DPP6: variants seen among roughly 807,000 people sequenced by gnomAD.
DPP6 encodes the protein dipeptidyl peptidase like 6, also known as A-type potassium channel modulatory protein DPP6.
Under a neutral mutation model 122.6 loss-of-function variants are expected in DPP6, and 69 were observed. The observed-to-expected ratio is 0.56, with a 90% CI of 0.46 to 0.69. The LOEUF is 0.69. Ranked by LOEUF, DPP6 falls within the 30% of genes least tolerant of loss-of-function variation. The pLI is 0.00. For missense variants in DPP6, 928 were observed against 1,116.9 expected (o/e 0.83, Z 2.41); for synonymous variants, 418 against 433.1 (o/e 0.97, Z 0.43).
chr7:154,277,465 A>C (rs1359835416), intron 1 of DPP6, among the ~76,000 whole-genome samples: 1 of 152,204 alleles, frequency 6.6e-6, no homozygotes, highest in Non-Finnish European at 1.5e-5. Context: ...ATTAAAAATA[A>C]ATTTTAAAAG....
At chr7:153,875,308 A>T in the DPP6 span, among the ~76,000 whole-genome samples, 2 of 152,168 alleles carry the variant, frequency 1.3e-5, no homozygotes, top group East Asian at 3.8e-4. Flanking sequence ...TTTTTTGAAA[A>T]ACAAAAACCT....
At chr7:153,877,731 C>T in the DPP6 span, among the ~76,000 whole-genome samples, 1 of 152,022 alleles carries the variant, frequency 6.6e-6, no homozygotes, top group Non-Finnish European at 1.5e-5. Context: ...AGTTGTTTTT[C>T]AAGCAAATAA....
intron 5 of DPP6, among the ~76,000 whole-genome samples, chr7:154,575,240 TTGTGTGGTGTGTGTGG>T (rs1171928431): frequency 4.1e-5 from 4 of 97,398 alleles, no homozygotes; most frequent in East Asian, 3.6e-4. Context: ...TGTGTGGTGT[TTGTGTGGTGTGTGTGG>T]TGTGTATGTG....
At chr7:154,239,625 G>T (rs1243350059) in intron 1 of DPP6, among the ~76,000 whole-genome samples, 1 of 152,034 alleles carries the variant, frequency 6.6e-6, no homozygotes, top group Admixed American at 6.6e-5. Context: ...TCATTGGTAA[G>T]GCTTCCTGTC....
At chr7:154,487,396 G>A (rs1823889865) in intron 3 of DPP6, among the ~76,000 whole-genome samples, 1 of 152,146 alleles carries the variant, frequency 6.6e-6, no homozygotes, top group Non-Finnish European at 1.5e-5. Context: ...CAGATGACAG[G>A]ATACGCCGTG....
At chr7:153,774,700 C>T in the DPP6 span, among the ~76,000 whole-genome samples, 2 of 152,156 alleles carry the variant, frequency 1.3e-5, no homozygotes, top group Admixed American at 6.5e-5. Flanking sequence ...TATGATGGCT[C>T]ATGCCTATAA....
At position 154,403,316 on chromosome 7, in the gene DPP6, G is replaced by A. The variant is rs1405429347; in HGVS notation, c.244-42898G>A. ...TAGAGTGCGGGGGAATCAGGACACCGCCCACCGCTGTCCAAATGCCAAGTG... is the reference window on the plus strand; with the variant it reads ...TAGAGTGCGGGGGAATCAGGACACCACCCACCGCTGTCCAAATGCCAAGTG... On this transcript the variant is annotated intron_variant, in intron 1 of 25. Coordinates refer to ENST00000377770, the MANE Select transcript of DPP6 (RefSeq NM_130797.4). The surrounding 1 kb of genome is among the most constrained non-coding windows in gnomAD (Gnocchi z 4.1). Among the ~76,000 whole-genome samples, 1 of 152,204 alleles carries A rather than the reference G, an allele frequency of 6.6e-6. No individual in the cohort carries two copies. The highest frequency in any genetic ancestry group is 1.5e-5 in the Non-Finnish European group (1 of 68,036).
At chr7:154,297,723 C>T (rs1805635577) in intron 1 of DPP6, among the ~76,000 whole-genome samples, 1 of 152,190 alleles carries the variant, frequency 6.6e-6, no homozygotes, top group Non-Finnish European at 1.5e-5. Context: ...AGCATGGCTC[C>T]TCTTCTCACA....
intron 1 of DPP6, among the ~76,000 whole-genome samples, chr7:154,117,489 C>T (rs1344684769): frequency 6.6e-6 from 1 of 152,182 alleles, no homozygotes; most frequent in African/African-American, 2.4e-5. Context: ...TCTTACCTCA[C>T]TGTAGGTTTC....
At chr7:154,842,363 A>T (rs1005429231) in intron 16 of DPP6, among the ~76,000 whole-genome samples, 23 of 152,090 alleles carry the variant, frequency 1.5e-4, no homozygotes, top group Non-Finnish European at 2.9e-4. Flanking sequence ...GTCTTTATGA[A>T]TTTTTTTTAT....
At chr7:153,916,033 C>G (rs1369187052) in intron 1 of DPP6, among the ~76,000 whole-genome samples, 1 of 151,924 alleles carries the variant, frequency 6.6e-6, no homozygotes, top group Non-Finnish European at 1.5e-5. Context: ...GTGGCGCGAT[C>G]TCTGCTCACT....
At chr7:154,623,848 C>T (rs529485960) in intron 5 of DPP6, among the ~76,000 whole-genome samples, 6 of 152,196 alleles carry the variant, frequency 3.9e-5, no homozygotes, top group Non-Finnish European at 7.3e-5. Context: ...TAAACTTACC[C>T]CAAAGTATTT....
At chr7:154,273,207 CTT>C (rs1333813484) in intron 1 of DPP6, among the ~76,000 whole-genome samples, 5 of 152,176 alleles carry the variant, frequency 3.3e-5, no homozygotes, top group Admixed American at 6.5e-5. Flanking sequence ...AGAGCTGCCT[CTT>C]TGTCTCAGCA....
intron 9 of DPP6, among the ~76,000 whole-genome samples, chr7:154,771,349 G>T (rs1055745300): frequency 6.6e-6 from 1 of 152,240 alleles, no homozygotes; most frequent in African/African-American, 2.4e-5. Flanking sequence ...CGGCTGATTT[G>T]GTTCCTGGTG....
chr7:154,722,492 G>A (rs898852473), intron 7 of DPP6, among the ~76,000 whole-genome samples: 9 of 152,194 alleles, frequency 5.9e-5, no homozygotes, highest in South Asian at 2.1e-4. Flanking sequence ...GATTTGGGTC[G>A]CAGACTAGAG....
At chr7:154,209,134 C>T (rs11761978) in intron 1 of DPP6, among the ~76,000 whole-genome samples, 4 of 151,986 alleles carry the variant, frequency 2.6e-5, no homozygotes, top group African/African-American at 4.8e-5. Flanking sequence ...TCTTGATTCA[C>T]GTAACAAAAA....
At chr7:153,918,454 A>ACT (rs1800426453) in intron 1 of DPP6, among the ~76,000 whole-genome samples, 5 of 136,714 alleles carry the variant, frequency 3.7e-5, no homozygotes, top group East Asian at 2.3e-4. Flanking sequence ...ACACACACAC[A>ACT]CACACACACA....
chr7:153,815,276 T>A, the DPP6 span, among the ~76,000 whole-genome samples: 1 of 152,084 alleles, frequency 6.6e-6, no homozygotes, highest in African/African-American at 2.4e-5. Context: ...GGATACAAAA[T>A]CAATGTACAA....
intron 5 of DPP6, among the ~76,000 whole-genome samples, chr7:154,608,342 T>TATATATATATATATATATA (rs59731169): frequency 4.8e-4 from 61 of 127,342 alleles, no homozygotes; most frequent in East Asian, 2.0e-3. Context: ...TATATATATA[T>TATATATATATATATATATA]TTTGAGATGG....
Sources: allele counts gnomAD v4.1 joint callset (sites outside exome capture counted in the v4.1 genomes callset), GRCh38; gene constraint gnomAD v4.1.1; non-coding constraint Gnocchi (gnomAD v3.1); transcripts MANE v1.5; gene names NCBI Gene and HGNC (gene_info 2026-07-23, HGNC 2026-07-21).